TOP2A: variants seen among roughly 807,000 people sequenced by gnomAD.
The protein encoded by TOP2A is DNA topoisomerase 2-alpha.
TOP2A carries 68 observed loss-of-function variants against 187.2 expected under a neutral mutation model. The ratio of observed to expected loss-of-function variants is 0.36; its 90% CI spans 0.30 to 0.44. The LOEUF (loss-of-function observed/expected upper bound fraction) is 0.44. Ranked by LOEUF, TOP2A falls within the 20% of genes least tolerant of loss-of-function variation. The pLI, the probability that TOP2A is intolerant of heterozygous loss-of-function variation, is 1.00. For synonymous variants in TOP2A, 542 were observed against 593.2 expected, an observed-to-expected ratio of 0.91 and a Z score of 1.25; for missense variants, 1,196 against 1,808.7, an observed-to-expected ratio of 0.66 and a Z score of 6.14.
chr17:40,400,958 A>C lies in TOP2A; in HGVS notation c.2556T>G (p.Gly852=). ...IPIIPMVLIN[G]AEGIGTGWSC... ...ACCACCCAGTACCGATTCCTTCAGC[A>C]CCATTTATCAGCACCATGGGAATAA... The change falls in exon 21 of 35, where the codon GGT becomes GGG. Residue 852 remains glycine, a synonymous_variant. Transcript: ENST00000423485. 1 of 1,613,964 alleles carries C rather than the reference A, an allele frequency of 6.2e-7. No homozygotes were observed. The highest frequency in any genetic ancestry group is 8.5e-7 in the Non-Finnish European group (1 of 1,179,874).
intron 4 of TOP2A, among the ~76,000 whole-genome samples, chr17:40,415,364 A>AT (rs2035378188): frequency 1.3e-5 from 2 of 152,088 alleles, no homozygotes; most frequent in Non-Finnish European, 1.5e-5. Context: ...CTAGCTCAAC[A>AT]TTTTTTAAAG....
In TOP2A at chr17:40,404,225, T is replaced by C. The variant is rs1383067824; in HGVS notation, c.2210A>G (p.Asn737Ser). ...GGCAACCTTTACTTCTCGCTTGTCA[T>C]TCCGTTTGAAGCAAGTAAACAAAAC... Reference protein sequence around the residue: ...RKVLFTCFKRNDKREVKVAQL... With the variant: ...RKVLFTCFKRSDKREVKVAQL... Residue 737 changes from asparagine (N) to serine (S), a missense_variant, in exon 19 of 35, where the codon AAT becomes AGT. Asn to Ser is a conservative substitution (Grantham distance 46). Coordinates refer to ENST00000423485, the MANE Select transcript of TOP2A (RefSeq NM_001067.4). 2.5e-6 allele frequency: 4 copies of C among 1,613,794 alleles called. No homozygotes were observed. The highest frequency in any genetic ancestry group is 2.5e-6 in the Non-Finnish European group (3 of 1,179,846).
intron 4 of TOP2A, among the ~76,000 whole-genome samples, chr17:40,414,669 C>T (rs528127776): frequency 6.6e-6 from 1 of 152,074 alleles, no homozygotes; most frequent in South Asian, 2.1e-4. Flanking sequence ...GCCTGACCAA[C>T]ATGCAGAAAC....
At chr17:40,394,065 C>CAAAAAAA (rs34089833) in intron 29 of TOP2A, among the ~76,000 whole-genome samples, 1 of 108,646 alleles carries the variant, frequency 9.2e-6, no homozygotes. Context: ...AACTCTGCCT[C>CAAAAAAA]AAAAAAAAAA....
At chr17:40,398,116 T>C (rs1433163338) in intron 27 of TOP2A, among the ~76,000 whole-genome samples, 1 of 147,654 alleles carries the variant, frequency 6.8e-6, no homozygotes, top group Non-Finnish European at 1.5e-5. Flanking sequence ...GTCCCTTTTT[T>C]TTTTTTTTTT....
rs918794658 is a variant in TOP2A, at chr17:40,411,571, T to A, written c.963+74A>T. The A allele has an allele frequency of 2.5e-5, 39 of 1,557,824 alleles. No homozygotes were observed. The highest frequency in any genetic ancestry group is 6.8e-5 in the Admixed American group (4 of 58,796). On this transcript the variant is annotated intron_variant, in intron 8 of 34. Transcript: ENST00000423485. The surrounding 1 kb of genome is among the most constrained non-coding windows in gnomAD (Gnocchi z 4.4). ...AAGCTAGCCCAATATTCAAGTCCAC[T>A]TTATATATTAAAAACAATAAGAACA...
At chr17:40,396,244 T>G (rs2035096306) in intron 28 of TOP2A, 39 bp downstream of exon 28, 1 of 1,199,742 alleles carries the variant, frequency 8.3e-7, no homozygotes, top group Non-Finnish European at 1.2e-6. Flanking sequence ...GCCCCCAAAG[T>G]GCTGGGATTA....
chr17:40,400,233 T>C lies in TOP2A; in HGVS notation c.2976A>G (p.Gln992=), dbSNP rs768979756. The change falls in exon 23 of 35, where the codon CAA becomes CAG. Residue 992 remains glutamine, a synonymous_variant. Coordinates refer to ENST00000423485, the MANE Select transcript of TOP2A (RefSeq NM_001067.4). ...RVGLHKVFKL[Q]TSLTCNSMVL... ...CCATAGAGTTGCATGTGAGACTAGTTTGGAGTTTGAAGACTTTGTGTAGTC... is the reference window on the plus strand; with the variant it reads ...CCATAGAGTTGCATGTGAGACTAGTCTGGAGTTTGAAGACTTTGTGTAGTC... 2.5e-6 allele frequency: 4 copies of C among 1,613,932 alleles called. No individual in the cohort carries two copies. The South Asian group carries it at 4.4e-5, about 18-fold the overall frequency.
chr17:40,407,775 T>G lies in TOP2A; in HGVS notation c.1501-101A>C. The G allele has an allele frequency of 5.6e-6, 7 of 1,246,984 alleles. No individual in the cohort carries two copies. The South Asian group carries it at 1.0e-4, about 18-fold the overall frequency. 77.2% of individuals were successfully genotyped at this position (1,246,984 alleles called of 1,614,324 possible). A position where few individuals can be genotyped will look rare whatever the true frequency, so the allele number is the denominator to read the frequency against. ...CTTGGATTTTCTTGAGCTCCAGTAT[T>G]TTGAGCTATTAGCTTATAATTTACT... On this transcript the variant is annotated intron_variant, in intron 12 of 34. Transcript: ENST00000423485.
intron 33 of TOP2A, among the ~76,000 whole-genome samples, chr17:40,390,585 G>T (rs996226643): frequency 2.0e-5 from 3 of 151,948 alleles, no homozygotes; most frequent in African/African-American, 7.2e-5. Flanking sequence ...CAATCTAAGA[G>T]AGGTGAAAAC....
chr17:40,409,988 T>C (rs965544471), intron 10 of TOP2A: 35 of 170,918 alleles, frequency 2.0e-4, no homozygotes, highest in African/African-American at 8.2e-4. Context: ...CTCGGGAGGC[T>C]GAGGCAAGAG....
chr17:40,393,516 C>T (rs757831200), intron 29 of TOP2A, among the ~76,000 whole-genome samples: 50 of 151,888 alleles, frequency 3.3e-4, no homozygotes, highest in Non-Finnish European at 5.0e-4. Flanking sequence ...AAAGTAGATA[C>T]TCAAGGACAT....
intron 7 of TOP2A, 25 bp downstream of exon 7, chr17:40,412,734 C>A: frequency 6.3e-6 from 10 of 1,584,688 alleles, no homozygotes; most frequent in South Asian, 1.1e-5. Flanking sequence ...CCCTTATTAT[C>A]CTTAACATCC....
intron 13 of TOP2A, 87 bp from the exon 14 acceptor site, chr17:40,407,029 C>A (rs775649206): frequency 2.3e-4 from 249 of 1,065,782 alleles, no homozygotes; most frequent in Non-Finnish European, 3.3e-4. Context: ...TTTGGGAGGC[C>A]GAGGCAGGCG....
chr17:40,407,960 A>G lies in TOP2A; in HGVS notation c.1500+7T>C. Reference sequence around the variant, plus strand: ...ATTTAGATTCTGAAGATCGTCTTATATTCTACCTGCTTATGAGAAGCTTCT... The same window carrying G: ...ATTTAGATTCTGAAGATCGTCTTATGTTCTACCTGCTTATGAGAAGCTTCT... On this transcript the variant is annotated splice_region_variant and intron_variant, in intron 12 of 34. Coordinates refer to ENST00000423485, the MANE Select transcript of TOP2A (RefSeq NM_001067.4). 2.5e-6 allele frequency: 4 copies of G among 1,609,608 alleles called. No homozygotes were observed. Among genetic ancestry groups the G allele is most frequent in the South Asian group, 2.2e-5 (2 of 90,612 alleles).
chr17:40,404,627 A>C, intron 17 of TOP2A, 136 bp from the exon 18 acceptor site: 1 of 709,488 alleles, frequency 1.4e-6, no homozygotes, highest in South Asian at 1.9e-5. Context: ...TAATACAGAA[A>C]TATTTTATAT....
At chr17:40,401,110 T>G (rs1228871309) in intron 20 of TOP2A, 29 bp from the exon 21 acceptor site, 1 of 1,576,696 alleles carries the variant, frequency 6.3e-7, no homozygotes, top group Non-Finnish European at 8.7e-7. Context: ...GAATGTTATT[T>G]TACAAAAATA....
intron 20 of TOP2A, among the ~76,000 whole-genome samples, chr17:40,402,405 G>A (rs2035193481): frequency 1.3e-5 from 2 of 152,180 alleles, no homozygotes; most frequent in South Asian, 2.1e-4. Context: ...TCTGATGAAG[G>A]AGCCCTGGAA....
intron 20 of TOP2A, among the ~76,000 whole-genome samples, chr17:40,401,516 C>A (rs1220461380): frequency 6.6e-6 from 1 of 152,068 alleles, no homozygotes; most frequent in African/African-American, 2.4e-5. Context: ...TCAAGACCAA[C>A]CTGGCCAACA....
Sources: gnomAD v4.1 joint callset for allele counts (sites outside exome capture counted in the v4.1 genomes callset) on GRCh38, gnomAD v4.1.1 for gene constraint, Gnocchi (gnomAD v3.1) non-coding constraint, MANE v1.5 for transcripts, NCBI Gene and HGNC (gene_info 2026-07-23, HGNC 2026-07-21) for gene names.